Variants in NRBP1 observed in about 807,000 individuals in gnomAD.
NRBP1 encodes nuclear receptor binding protein 1, also known as nuclear receptor-binding protein.
Under a neutral mutation model 76.0 loss-of-function variants are expected in NRBP1, and 10 were observed. The ratio of observed to expected loss-of-function variants is 0.13; its 90% CI spans 0.08 to 0.22. The LOEUF (loss-of-function observed/expected upper bound fraction) is 0.22, where lower values mean the gene tolerates loss of function less well. Among genes scored for constraint, NRBP1 ranks in the 10% least tolerant of loss-of-function variants. The probability of loss-of-function intolerance (pLI) is 1.00; values close to 1 mark genes in which losing one functional copy is unlikely to be tolerated. For synonymous variants in NRBP1, 235 were observed against 240.2 expected (o/e 0.98, Z 0.20); for missense variants, 344 against 646.0 (o/e 0.53, Z 5.07).
chr2:27,434,327 T>C lies in NRBP1; in HGVS notation c.436-144T>C, dbSNP rs1035522440. ...TCTTCCCATAACTTTCATTGCTTGT[T>C]TTCATTGCCCTATTTAGTCTAAGTA... On this transcript the variant is annotated intron_variant, in intron 4 of 17. Coordinates refer to ENST00000379852, the MANE Select transcript of NRBP1 (RefSeq NM_013392.4). 5.3e-6 allele frequency: 4 copies of C among 751,970 alleles called. No individual in the cohort carries two copies. The African/African-American group carries it at 7.0e-5, about 13-fold the overall frequency. The allele number at this position is 751,970 out of a possible 1,614,324, so 46.6% of individuals were successfully genotyped here. A position where few individuals can be genotyped will look rare whatever the true frequency, so the allele number is the denominator to read the frequency against.
At chr2:27,428,482 C>A (rs1402480193), upstream of NRBP1, 1 of 394,242 alleles carries the variant, frequency 2.5e-6, no homozygotes, top group Non-Finnish European at 4.5e-6. Flanking sequence ...CGGACCGGCG[C>A]AAGGGGAGGA....
chr2:27,439,749 C>T lies in NRBP1; in HGVS notation c.904-17C>T. On this transcript the variant is annotated splice_polypyrimidine_tract_variant and intron_variant, in intron 10 of 17. Coordinates refer to ENST00000379852, the MANE Select transcript of NRBP1 (RefSeq NM_013392.4). ...GCTTGCCAGATGCCTGCTCCAGTTC[C>T]TTGTTTCCTTTTCTAGGAGTTCATT... 1 of 1,613,684 alleles carries T rather than the reference C, an allele frequency of 6.2e-7. No individual in the cohort carries two copies. The highest frequency in any genetic ancestry group is 2.2e-5 in the East Asian group (1 of 44,836).
At chr2:27,435,843 TC>T in intron 7 of NRBP1, 1 of 713,770 alleles carries the variant, frequency 1.4e-6, no homozygotes, top group African/African-American at 1.7e-5. Context: ...CAAACCCTCT[TC>T]CCCTATCTTC....
intron 7 of NRBP1, chr2:27,435,848 T>C (rs1664286923): frequency 1.4e-6 from 1 of 713,570 alleles, no homozygotes. Flanking sequence ...CCTCTTCCCC[T>C]ATCTTCCCTG....
In NRBP1 at chr2:27,440,843, G is replaced by C. The variant is rs372579058; in HGVS notation, c.1232G>C (p.Arg411Pro). Reference sequence around the variant, plus strand: ...CCTCTGACAGCCTTTGGGCTGCCTCGGCCCCAGCAGCCACAGCAGGAGGAG... The same window carrying C: ...CCTCTGACAGCCTTTGGGCTGCCTCCGCCCCAGCAGCCACAGCAGGAGGAG... Reference protein sequence around the residue: ...IYPLTAFGLPRPQQPQQEEVT... With the variant: ...IYPLTAFGLPPPQQPQQEEVT... The change falls in exon 14 of 18, where the codon CGG becomes CCG. Residue 411 changes from arginine (R) to proline (P), a missense_variant. By Grantham distance (103) the Arg-to-Pro change is moderately radical (BLOSUM62 -2). Transcript: ENST00000379852. 1 of 1,613,946 alleles carries C rather than the reference G, an allele frequency of 6.2e-7. No individual in the cohort carries two copies. The highest frequency in any genetic ancestry group is 1.7e-5 in the Admixed American group (1 of 60,008).
In NRBP1 at chr2:27,437,098, CACTGGAGGTGAGGGG is replaced by C; in HGVS notation, c.804+2_804+16del. 6.2e-7 allele frequency: 1 copy of C among 1,612,836 alleles called. No individual in the cohort carries two copies. The highest frequency in any genetic ancestry group is 1.7e-5 in the Admixed American group (1 of 59,966). ...GACATCTACTCCTTTGGCATGTGTG[CACTGGAGGTGAGGGG>C]ACTGGAGGGGAGGGGGGAAAGGGGT... On this transcript the variant is annotated splice_donor_variant and splice_donor_5th_base_variant and coding_sequence_variant and intron_variant, in exon 9 of 18. Transcript: ENST00000379852. LOFTEE classifies it high-confidence loss of function.
At position 27,441,256 on chromosome 2, in the gene NRBP1, C is replaced by T. The variant is rs1464276410; in HGVS notation, c.1384-11C>T. The T allele has an allele frequency of 6.2e-7, 1 of 1,614,034 alleles. No individual in the cohort carries two copies. The highest frequency in any genetic ancestry group is 8.5e-7 in the Non-Finnish European group (1 of 1,179,958). On this transcript the variant is annotated splice_polypyrimidine_tract_variant and intron_variant, in intron 15 of 17. Transcript: ENST00000379852. ...AGAAAAGTCTCATTTTCTGACTGTCCTATTCTCCAGCTGACACTTCTGCTG... is the reference window on the plus strand; with the variant it reads ...AGAAAAGTCTCATTTTCTGACTGTCTTATTCTCCAGCTGACACTTCTGCTG...
Position 27,433,367 on chromosome 2 carries a change from C to T in NRBP1, c.94C>T (p.Pro32Ser). ...SSAPGLTSVSPPVTSTTSAAS... is the reference protein window; with the variant it reads ...SSAPGLTSVSSPVTSTTSAAS... Reference sequence around the variant, plus strand: ...AGCTCCTGGCCTGACATCAGTGTCACCTCCTGTGACCTCCACAACCTCAGC... The same window carrying T: ...AGCTCCTGGCCTGACATCAGTGTCATCTCCTGTGACCTCCACAACCTCAGC... Residue 32 changes from proline to serine, a missense_variant, in exon 2 of 18, where the codon CCT becomes TCT. Transcript: ENST00000379852. The T allele has an allele frequency of 6.2e-7, 1 of 1,614,250 alleles. No individual in the cohort carries two copies. Among genetic ancestry groups the T allele is most frequent in the Non-Finnish European group, 8.5e-7 (1 of 1,180,046 alleles).
At chr2:27,430,478 T>TTTTTTTTTTTTC (rs1553317017) in intron 1 of NRBP1, among the ~76,000 whole-genome samples, 3 of 137,786 alleles carry the variant, frequency 2.2e-5, no homozygotes, top group Admixed American at 7.3e-5. Flanking sequence ...TCTTTTTTTT[T>TTTTTTTTTTTTC]TTTTTTTTGA....
At position 27,441,822 on chromosome 2, in the gene NRBP1, G is replaced by C. The variant is rs760680335; in HGVS notation, c.*10G>C. 1.3e-6 allele frequency: 2 copies of C among 1,575,894 alleles called. No individual in the cohort carries two copies. Among genetic ancestry groups the C allele is most frequent in the Non-Finnish European group, 1.7e-6 (2 of 1,147,296 alleles). ...CACCGTCTCCTCTTAGAGCTCACTC[G>C]GGCCAGGCCCTGATCTGCGCTGTGG... On this transcript the variant is annotated 3_prime_UTR_variant, in exon 18 of 18. Coordinates refer to ENST00000379852, the MANE Select transcript of NRBP1 (RefSeq NM_013392.4).
intron 7 of NRBP1, 92 bp from the exon 8 acceptor site, chr2:27,436,661 C>T: frequency 2.0e-6 from 2 of 1,017,132 alleles, no homozygotes; most frequent in East Asian, 2.4e-5. Flanking sequence ...AAGGAGACTT[C>T]AGGAGAGAAT....
intron 7 of NRBP1, chr2:27,436,002 G>C: frequency 1.7e-6 from 1 of 583,916 alleles, no homozygotes; most frequent in South Asian, 2.0e-5. Flanking sequence ...CTAGTTCCCA[G>C]ATCATACTGT....
chr2:27,430,158 C>G (rs572813763), intron 1 of NRBP1, among the ~76,000 whole-genome samples: 1 of 152,210 alleles, frequency 6.6e-6, no homozygotes, highest in East Asian at 1.9e-4. Flanking sequence ...TGAGCCAGCG[C>G]GCCTGGCAAA....
At position 27,437,057 on chromosome 2, in the gene NRBP1, T is replaced by C. The variant is rs1425457636; in HGVS notation, c.756T>C (p.Asn252=). 2 of 1,613,300 alleles carry C rather than the reference T, an allele frequency of 1.2e-6. No individual in the cohort carries two copies. The highest frequency in any genetic ancestry group is 2.2e-5 in the East Asian group (1 of 44,874). ...FFAPEYGEVT[N]VTTAVDIYSF... ...CTCTGTTTTCCCTAGAAGTCACTAA[T>C]GTGACAACAGCAGTGGACATCTACT... Residue 252 remains asparagine, a synonymous_variant, in exon 9 of 18, where the codon AAT becomes AAC. Transcript: ENST00000379852.
In NRBP1 at chr2:27,435,117, C is replaced by A; in HGVS notation, c.567-16C>A. The A allele has an allele frequency of 1.2e-6, 2 of 1,601,866 alleles. No homozygotes were observed. Among genetic ancestry groups the A allele is most frequent in the Non-Finnish European group, 1.7e-6 (2 of 1,170,200 alleles). ...AATTTCCCAGTGGCCCCTCTAACAG[C>A]CCAGTGCCCCCACAGCTACCTGCAC... On this transcript the variant is annotated splice_polypyrimidine_tract_variant and intron_variant, in intron 6 of 17. Coordinates refer to ENST00000379852, the MANE Select transcript of NRBP1 (RefSeq NM_013392.4).
At chr2:27,436,919 G>T in intron 8 of NRBP1, 83 bp downstream of exon 8, 2 of 1,464,392 alleles carry the variant, frequency 1.4e-6, no homozygotes, top group Admixed American at 1.8e-5. Context: ...CAATATAACT[G>T]AAACTTCTAG....
In NRBP1 at chr2:27,442,124, A is replaced by C; in HGVS notation, c.*312A>C. On this transcript the variant is annotated 3_prime_UTR_variant, in exon 18 of 18. Coordinates refer to ENST00000379852, the MANE Select transcript of NRBP1 (RefSeq NM_013392.4). ...CTGTGTGGAAAGGAGGCCCACGGGC[A>C]CTAGGGGAGCCGAATTCTACAATCC... The C allele has an allele frequency of 1.9e-6, 1 of 531,300 alleles. No individual in the cohort carries two copies. The highest frequency in any genetic ancestry group is 2.7e-5 in the South Asian group (1 of 37,704). The allele number at this position is 531,300 out of a possible 1,614,324, so 32.9% of individuals were successfully genotyped here. A position where few individuals can be genotyped will look rare whatever the true frequency, so the allele number is the denominator to read the frequency against.
intron 1 of NRBP1, among the ~76,000 whole-genome samples, chr2:27,431,188 T>C (rs369802731): frequency 8.5e-5 from 13 of 152,120 alleles, no homozygotes; most frequent in African/African-American, 3.1e-4. Flanking sequence ...TAGTCCCAGC[T>C]ACTCGGGAGG....
At chr2:27,440,552 C>T (rs1185422753) in intron 12 of NRBP1, 44 bp downstream of exon 12, 3 of 1,596,202 alleles carry the variant, frequency 1.9e-6, no homozygotes, top group Non-Finnish European at 2.6e-6. Context: ...TGGTCACGAC[C>T]ACTCTTGAGG....
Sources: allele counts gnomAD v4.1 joint callset (sites outside exome capture counted in the v4.1 genomes callset), GRCh38; gene constraint gnomAD v4.1.1; transcripts MANE v1.5; gene names NCBI Gene and HGNC (gene_info 2026-07-23, HGNC 2026-07-21).